Variants in GRIK4 observed in about 807,000 individuals in gnomAD.
GRIK4 encodes glutamate receptor ionotropic, kainate 4.
GRIK4 carries 40 observed loss-of-function variants against 104.9 expected under a neutral mutation model. The observed-to-expected ratio is 0.38, with a 90% CI of 0.30 to 0.50. The LOEUF is 0.50. GRIK4 is among the 20% of genes least tolerant of loss of function. The pLI is 0.93. For missense variants in GRIK4, 1,047 were observed against 1,308.1 expected (o/e 0.80, Z 3.08); for synonymous variants, 485 against 524.9 (o/e 0.92, Z 1.04).
intron 2 of GRIK4, among the ~76,000 whole-genome samples, chr11:120,657,940 C>T (rs1414172705): frequency 1.3e-5 from 2 of 152,226 alleles, no homozygotes; most frequent in African/African-American, 2.4e-5. Flanking sequence ...AACCAGAGAA[C>T]ATCACCAGCA....
At chr11:120,605,517 C>T (rs1036995374) in intron 1 of GRIK4, among the ~76,000 whole-genome samples, 5 of 152,232 alleles carry the variant, frequency 3.3e-5, no homozygotes, top group Admixed American at 6.5e-5. Context: ...CCCAGCTTAG[C>T]GTCTGAGTGG....
rs552282414 is a variant in GRIK4, at chr11:120,953,662, G to A, written c.1700+698G>A. Among the ~76,000 whole-genome samples, 11 of 152,306 alleles carry A rather than the reference G, an allele frequency of 7.2e-5. No homozygotes were observed. Among genetic ancestry groups the A allele is most frequent in the Non-Finnish European group, 1.5e-4 (10 of 68,016 alleles). ...TCCCCAGGAAACCAGGGGCTGCCCTGGCCCTTTGGAAAAACCTGAGGAGCA... is the reference window on the plus strand; with the variant it reads ...TCCCCAGGAAACCAGGGGCTGCCCTAGCCCTTTGGAAAAACCTGAGGAGCA... On this transcript the variant is annotated intron_variant, in intron 15 of 20. Transcript: ENST00000527524. This position sits in a 1 kb window ranked among gnomAD's most constrained non-coding sequence, Gnocchi z 4.9.
intron 3 of GRIK4, among the ~76,000 whole-genome samples, chr11:120,779,626 T>C (rs915752039): frequency 6.6e-6 from 1 of 151,920 alleles, no homozygotes; most frequent in African/African-American, 2.4e-5. Flanking sequence ...GGACTCTATT[T>C]TCTTTATCAT....
chr11:120,911,154 C>G (rs527707290), intron 13 of GRIK4, among the ~76,000 whole-genome samples: 2 of 151,750 alleles, frequency 1.3e-5, no homozygotes, highest in Admixed American at 1.3e-4. Flanking sequence ...GCAGGGGAGC[C>G]GGGAAGAAGG....
At position 120,734,799 on chromosome 11, in the gene GRIK4, A is replaced by G. The variant is rs188120169; in HGVS notation, c.83-67894A>G. 4.4e-3 allele frequency among the ~76,000 whole-genome samples: 666 copies of G among 152,208 alleles called. 6 individuals carry two copies. The highest frequency in any genetic ancestry group is 0.015 in the African/African-American group (617 of 41,518). On this transcript the variant is annotated intron_variant, in intron 3 of 20. Coordinates refer to ENST00000527524, the MANE Select transcript of GRIK4 (RefSeq NM_014619.5). ...ACTAATTCCTCCTTCTGGTTGATCA[A>G]TTCTGCTGTTAAGAGACTCTGATGC...
intron 2 of GRIK4, among the ~76,000 whole-genome samples, chr11:120,654,208 T>C (rs533001038): frequency 1.1e-4 from 17 of 152,346 alleles, no homozygotes; most frequent in African/African-American, 4.1e-4. Context: ...AGACACATAC[T>C]TCAATTTGAA....
At chr11:120,759,617 T>C (rs1439663273) in intron 3 of GRIK4, among the ~76,000 whole-genome samples, 1 of 152,106 alleles carries the variant, frequency 6.6e-6, no homozygotes, top group Non-Finnish European at 1.5e-5. Context: ...CTGATTATTG[T>C]CATGGGGGAA....
intron 1 of GRIK4, among the ~76,000 whole-genome samples, chr11:120,572,184 G>A (rs929096138): frequency 1.3e-5 from 2 of 152,284 alleles, no homozygotes; most frequent in African/African-American, 4.8e-5. Flanking sequence ...TCTTTGAGAG[G>A]CACGAGTCTC....
rs140003303 is a variant in GRIK4 at position 120,679,953 on chromosome 11, G to A, written c.82+19553G>A. ...CTAGAACATCCTTGCCTCTCACATCGCTGGGCCTTTGCTGTCTCCACTGCC... is the reference window on the plus strand; with the variant it reads ...CTAGAACATCCTTGCCTCTCACATCACTGGGCCTTTGCTGTCTCCACTGCC... On this transcript the variant is annotated intron_variant, in intron 3 of 20. Transcript: ENST00000527524. Among the ~76,000 whole-genome samples, 1,153 of 152,224 alleles carry A rather than the reference G, an allele frequency of 7.6e-3. 6 individuals are homozygous for A. The highest frequency in any genetic ancestry group is 0.011 in the Non-Finnish European group (746 of 67,998).
At chr11:120,872,196 G>A (rs1013946838) in intron 9 of GRIK4, 19 of 307,816 alleles carry the variant, frequency 6.2e-5, no homozygotes, top group African/African-American at 3.0e-4. Flanking sequence ...GGCAGGGACT[G>A]CTGCTTCTCT....
chr11:120,572,944 C>T lies in GRIK4; in HGVS notation c.-159+61057C>T, dbSNP rs1948419993. On this transcript the variant is annotated intron_variant, in intron 1 of 20. Coordinates refer to ENST00000527524, the MANE Select transcript of GRIK4 (RefSeq NM_014619.5). ...TAATCTCTAAATTAGACCATTGGAC[C>T]CAAAGCCGTTGAGAGGTAACCATAC... is the stretch of plus-strand genomic sequence containing the variant. 2.0e-5 allele frequency among the ~76,000 whole-genome samples: 3 copies of T among 152,162 alleles called. No homozygotes were observed. In the South Asian group the frequency reaches 6.2e-4, roughly 32 times the overall value.
intron 11 of GRIK4, among the ~76,000 whole-genome samples, chr11:120,896,756 A>C (rs1359467344): frequency 6.6e-6 from 1 of 152,258 alleles, no homozygotes; most frequent in Non-Finnish European, 1.5e-5. Flanking sequence ...ATTCCATAAA[A>C]GAACCCAGAG....
chr11:120,523,183 A>T (rs2136075221), intron 1 of GRIK4, among the ~76,000 whole-genome samples: 1 of 149,924 alleles, frequency 6.7e-6, no homozygotes, highest in African/African-American at 2.5e-5. Context: ...TCACCAGTTT[A>T]TTTGTGCTAA....
In GRIK4 at chr11:120,888,974, C is replaced by T. The variant is rs536983261; in HGVS notation, c.1165-9558C>T. On this transcript the variant is annotated intron_variant, in intron 11 of 20. Coordinates refer to ENST00000527524, the MANE Select transcript of GRIK4 (RefSeq NM_014619.5). ...CCTTCCCTGGACTTGTTTTTGATCTCTTACCCTTGGCATTTACCATTGCTT... is the reference window on the plus strand; with the variant it reads ...CCTTCCCTGGACTTGTTTTTGATCTTTTACCCTTGGCATTTACCATTGCTT... Among the ~76,000 whole-genome samples the T allele has an allele frequency of 6.8e-4, 104 of 152,304 alleles. 1 individual carries two copies. Among genetic ancestry groups the T allele is most frequent in the Non-Finnish European group, 7.8e-4 (53 of 68,020 alleles).
chr11:120,953,051 GA>G lies in GRIK4; in HGVS notation c.1700+88del, dbSNP rs143584530. Reference sequence around the variant, plus strand: ...CATGGGGAGGGGGTGGGGAGGAGGAGAGGGGGAGGAGGAGTTGGGAAGATCT... The same window carrying G: ...CATGGGGAGGGGGTGGGGAGGAGGAGGGGGGAGGAGGAGTTGGGAAGATCT... On this transcript the variant is annotated intron_variant, in intron 15 of 20. Coordinates refer to ENST00000527524, the MANE Select transcript of GRIK4 (RefSeq NM_014619.5). This position sits in a 1 kb window ranked among gnomAD's most constrained non-coding sequence, Gnocchi z 4.9. 7.6e-3 allele frequency: 6,176 copies of G among 814,600 alleles called. 313 individuals are homozygous for G. In the African/African-American group the frequency reaches 0.094, roughly 12 times the overall value. The allele number at this position is 814,600 out of a possible 1,614,324, so 50.5% of individuals were successfully genotyped here.
intron 3 of GRIK4, among the ~76,000 whole-genome samples, chr11:120,697,146 T>G (rs1354846465): frequency 6.6e-6 from 1 of 152,212 alleles, no homozygotes; most frequent in Non-Finnish European, 1.5e-5. Flanking sequence ...CCGCCCTGCC[T>G]GTGGTTCAAC....
chr11:120,859,698 C>A (rs1438775136), intron 8 of GRIK4, among the ~76,000 whole-genome samples: 1 of 152,240 alleles, frequency 6.6e-6, no homozygotes, highest in Non-Finnish European at 1.5e-5. Flanking sequence ...AGCCATCTGC[C>A]CCCTTGTGCC....
At chr11:120,909,513 G>T (rs1942945923) in intron 13 of GRIK4, among the ~76,000 whole-genome samples, 1 of 152,286 alleles carries the variant, frequency 6.6e-6, no homozygotes, top group East Asian at 1.9e-4. Context: ...CTCTCCAGGG[G>T]CTCTCACTTA....
intron 20 of GRIK4, among the ~76,000 whole-genome samples, chr11:120,983,539 G>A (rs113740680): frequency 7.2e-5 from 11 of 152,278 alleles, no homozygotes; most frequent in African/African-American, 1.2e-4. Flanking sequence ...CTTGCCTTGC[G>A]TGGCACCCAG....
Sources: gnomAD v4.1 joint callset for allele counts (sites outside exome capture counted in the v4.1 genomes callset) on GRCh38, gnomAD v4.1.1 for gene constraint, Gnocchi (gnomAD v3.1) non-coding constraint, MANE v1.5 for transcripts, NCBI Gene and HGNC (gene_info 2026-07-23, HGNC 2026-07-21) for gene names.